KRT71: variants seen among roughly 807,000 people sequenced by gnomAD.
The protein encoded by KRT71 is keratin 71, also known as keratin, type II cytoskeletal 71.
KRT71 carries 42 observed loss-of-function variants against 46.2 expected under a neutral mutation model. That is an observed-to-expected ratio of 0.91 (90% confidence interval 0.71 to 1.18). The LOEUF is 1.18. KRT71 is among the 50% of genes most tolerant of loss of function. The pLI, the probability that KRT71 is intolerant of heterozygous loss-of-function variation, is 0.00. For missense variants in KRT71, 708 were observed against 677.9 expected, an observed-to-expected ratio of 1.04 and a Z score of -0.49; for synonymous variants, 292 against 277.8, an observed-to-expected ratio of 1.05 and a Z score of -0.51.
rs757490190 is a variant in KRT71 at position 52,549,301 on chromosome 12, G to A, written c.709C>T (p.Leu237Phe). Reference protein sequence around the residue: ...RTAAENEFVLLKKDVDAAYAN... With the variant: ...RTAAENEFVLFKKDVDAAYAN... ...GCCTGCCTTCCCCTCACCTTCTTGA[G>A]CAGCACAAACTCGTTCTCTGCTGCT... is the stretch of plus-strand genomic sequence containing the variant. Residue 237 changes from leucine to phenylalanine, a missense_variant, in exon 3 of 9, where the codon CTC becomes TTC. Transcript: ENST00000267119. The A allele has an allele frequency of 2.4e-5, 38 of 1,613,428 alleles. No homozygotes were observed. The highest frequency in any genetic ancestry group is 3.0e-5 in the Non-Finnish European group (35 of 1,179,576).
chr12:52,551,668 A>C (rs4761932), intron 1 of KRT71, among the ~76,000 whole-genome samples: 48,289 of 152,028 alleles, frequency 0.32, 9,600 homozygotes, highest in East Asian at 0.53. Context: ...GAGCCAACAG[A>C]ACCCTCCAGT....
intron 6 of KRT71, among the ~76,000 whole-genome samples, chr12:52,547,382 C>T (rs1939075032): frequency 6.6e-6 from 1 of 152,218 alleles, no homozygotes; most frequent in South Asian, 2.1e-4. Context: ...CAATCCTTAA[C>T]AATGCACCTT....
intron 6 of KRT71, among the ~76,000 whole-genome samples, chr12:52,547,128 T>G (rs745380486): frequency 6.6e-6 from 1 of 151,990 alleles, no homozygotes; most frequent in Non-Finnish European, 1.5e-5. Flanking sequence ...GGACTAGGAG[T>G]CAGGAGACCT....
At chr12:52,549,054 ATTC>A (rs1462034276) in intron 3 of KRT71, among the ~76,000 whole-genome samples, 4 of 151,898 alleles carry the variant, frequency 2.6e-5, no homozygotes, top group African/African-American at 7.3e-5. Flanking sequence ...TGTCCTCTGT[ATTC>A]TTCTCCGTGT....
rs956766443 is a variant in KRT71, at chr12:52,550,334, T to C, written c.442-91A>G. Reference sequence around the variant, plus strand: ...CATTGTGTAAAGCTTCTATCTGCATTTTCTCCTCAATAGAGCTGAAAGAGG... The same window carrying C: ...CATTGTGTAAAGCTTCTATCTGCATCTTCTCCTCAATAGAGCTGAAAGAGG... On this transcript the variant is annotated intron_variant, in intron 1 of 8. Transcript: ENST00000267119. The C allele has an allele frequency of 1.1e-5, 16 of 1,467,828 alleles. No homozygotes were observed. In the African/African-American group the frequency reaches 2.2e-4, roughly 21 times the overall value. 90.9% of individuals were successfully genotyped at this position (1,467,828 alleles called of 1,614,324 possible). A position where few individuals can be genotyped will look rare whatever the true frequency, so the allele number is the denominator to read the frequency against.
Position 52,546,495 on chromosome 12 carries a change from C to A in KRT71, c.1116G>T (p.Leu372=). The change falls in exon 7 of 9, where the codon CTG becomes CTT. Residue 372 remains leucine (L), a synonymous_variant. Transcript: ENST00000267119. ...IENVKKQASN[L]ETAIADAEQR... is the part of the protein sequence containing the mutation. ...GCTCAGCATCAGCGATGGCTGTCTC[C>A]AGGTTGGAAGCCTAAGGAAGGAATT... 1 of 1,613,958 alleles carries A rather than the reference C, an allele frequency of 6.2e-7. No homozygotes were observed.
Position 52,548,216 on chromosome 12 carries a change from C to T in KRT71, c.914G>A (p.Arg305His), listed in dbSNP as rs184893629. 30 of 1,614,198 alleles carry T rather than the reference C, an allele frequency of 1.9e-5. No individual in the cohort carries two copies. The East Asian group carries it at 3.6e-4, about 19-fold the overall frequency. ...CAAGGCAATCTCCTCATACTGGGTG[C>T]GGACTTCGTCAATGATGCTGTCCAG... ...LDLDSIIDEV[R>H]TQYEEIALKS... Residue 305 changes from arginine (R) to histidine (H), a missense_variant, in exon 5 of 9, where the codon CGC (arginine) becomes CAC (histidine). Transcript: ENST00000267119.
intron 4 of KRT71, 62 bp from the exon 5 acceptor site, chr12:52,548,378 C>G (rs535756975): frequency 1.9e-6 from 3 of 1,542,422 alleles, no homozygotes; most frequent in Non-Finnish European, 1.8e-6. Context: ...CCACCACCCC[C>G]AAACAAGATG....
intron 6 of KRT71, among the ~76,000 whole-genome samples, chr12:52,546,866 A>T (rs2120562002): frequency 6.6e-6 from 1 of 152,368 alleles, no homozygotes; most frequent in South Asian, 2.1e-4. Flanking sequence ...ATGCTGTGGC[A>T]GACGCAAAGG....
chr12:52,548,812 A>G lies in KRT71; in HGVS notation c.718-16T>C, dbSNP rs570043301. ...CATCCACATCCTGAAAGATGCCCCC[A>G]CCATCCCCTGTCACTGCTGGTACAG... On this transcript the variant is annotated splice_polypyrimidine_tract_variant and intron_variant, in intron 3 of 8. Transcript: ENST00000267119. 59 of 1,611,736 alleles carry G rather than the reference A, an allele frequency of 3.7e-5. No homozygotes were observed. In the East Asian group the frequency reaches 1.0e-3, roughly 28 times the overall value.
At position 52,552,642 on chromosome 12, in the gene KRT71, C is replaced by G; in HGVS notation, c.436G>C (p.Asp146His). 6.2e-7 allele frequency: 1 copy of G among 1,609,384 alleles called. No individual in the cohort carries two copies. Among genetic ancestry groups the G allele is most frequent in the Non-Finnish European group, 8.5e-7 (1 of 1,177,702 alleles). ...ALNNKFASFI[D>H]KVRFLEQQNQ... ...CCAGGCCCTAGAAGACCCACCTTGT[C>G]GATGAAGGAGGCGAACTTGTTGTTC... is the stretch of plus-strand genomic sequence containing the variant. Residue 146 changes from aspartate (D) to histidine (H), a missense_variant, in exon 1 of 9, where the codon GAC (aspartate) becomes CAC (histidine). Coordinates refer to ENST00000267119, the MANE Select transcript of KRT71 (RefSeq NM_033448.3).
In KRT71 at chr12:52,544,476, C is replaced by T. The variant is rs1264603806; in HGVS notation, c.*56G>A. ...AGCTGAGAGTGGGCTGTGGGAAGTA[C>T]AGTGTGGGATCCAGAGCCGGGTCAT... On this transcript the variant is annotated 3_prime_UTR_variant, in exon 9 of 9. Transcript: ENST00000267119. The T allele has an allele frequency of 6.8e-7, 1 of 1,470,456 alleles. No homozygotes were observed. The highest frequency in any genetic ancestry group is 2.3e-5 in the East Asian group (1 of 44,106). 91.1% of individuals were successfully genotyped at this position (1,470,456 alleles called of 1,614,324 possible). A position where few individuals can be genotyped will look rare whatever the true frequency, so the allele number is the denominator to read the frequency against.
chr12:52,544,203 G>A lies in KRT71; in HGVS notation c.*329C>T, dbSNP rs1456698141. 3 of 394,026 alleles carry A rather than the reference G, an allele frequency of 7.6e-6. No homozygotes were observed. The highest frequency in any genetic ancestry group is 2.8e-5 in the South Asian group (1 of 35,614). 24.4% of individuals were successfully genotyped at this position (394,026 alleles called of 1,614,324 possible). A position where few individuals can be genotyped will look rare whatever the true frequency, so the allele number is the denominator to read the frequency against. ...GCGGGGCCTTGGGCAGAGACCCAGG[G>A]AGCCCAGCAGAGTAGTTAGCGACTG... On this transcript the variant is annotated 3_prime_UTR_variant, in exon 9 of 9. Coordinates refer to ENST00000267119, the MANE Select transcript of KRT71 (RefSeq NM_033448.3).
rs769963433 is a variant in KRT71 at position 52,546,455 on chromosome 12, C to T, written c.1156G>A (p.Ala386Thr). 28 of 1,614,078 alleles carry T rather than the reference C, an allele frequency of 1.7e-5. No homozygotes were observed. Among genetic ancestry groups the T allele is most frequent in the South Asian group, 1.3e-4 (12 of 91,080 alleles). Residue 386 changes from alanine (A) to threonine (T), a missense_variant, in exon 7 of 9, where the codon GCC becomes ACC. Physicochemically the swap from Ala to Thr is moderately conservative, Grantham distance 58. Transcript: ENST00000267119. ...IADAEQRGDN[A>T]LKDARAKLDE... ...AGCTTGGCCCGGGCATCCTTCAGGGCGTTGTCTCCCCGCTGCTCAGCATCA... is the reference window on the plus strand; with the variant it reads ...AGCTTGGCCCGGGCATCCTTCAGGGTGTTGTCTCCCCGCTGCTCAGCATCA...
chr12:52,547,601 C>G (rs1939077865), intron 6 of KRT71, among the ~76,000 whole-genome samples: 2 of 152,194 alleles, frequency 1.3e-5, no homozygotes, highest in African/African-American at 4.8e-5. Flanking sequence ...CAGGAGGGTA[C>G]ATCGCTGGGG....
chr12:52,547,339 C>T lies in KRT71; in HGVS notation c.1104+518G>A, dbSNP rs538002716. The stretch of plus-strand genomic sequence containing the variant: ...CTTGTGTCTCACCTACAAGCCGAGG[C>T]TGCATCCTATATTCCTGGGAGTAGT... On this transcript the variant is annotated intron_variant, in intron 6 of 8. Coordinates refer to ENST00000267119, the MANE Select transcript of KRT71 (RefSeq NM_033448.3). Among the ~76,000 whole-genome samples, 4 of 152,316 alleles carry T rather than the reference C, an allele frequency of 2.6e-5. No homozygotes were observed. In the South Asian group the frequency reaches 8.3e-4, roughly 32 times the overall value.
In KRT71 at chr12:52,544,229, C is replaced by T. The variant is rs1939016375; in HGVS notation, c.*303G>A. The T allele has an allele frequency of 1.1e-5, 5 of 473,628 alleles. No individual in the cohort carries two copies. The East Asian group carries it at 1.2e-4, about 11-fold the overall frequency. The allele number at this position is 473,628 out of a possible 1,614,324, so 29.3% of individuals were successfully genotyped here. On this transcript the variant is annotated 3_prime_UTR_variant, in exon 9 of 9. Coordinates refer to ENST00000267119, the MANE Select transcript of KRT71 (RefSeq NM_033448.3). Reference sequence around the variant, plus strand: ...AGCCCAGCAGAGTAGTTAGCGACTGCGCTAGAGGCCGGGCAGAGGAGGAAA... The same window carrying T: ...AGCCCAGCAGAGTAGTTAGCGACTGTGCTAGAGGCCGGGCAGAGGAGGAAA...
intron 1 of KRT71, among the ~76,000 whole-genome samples, chr12:52,551,958 G>A (rs193017469): frequency 2.6e-5 from 4 of 152,012 alleles, no homozygotes; most frequent in Non-Finnish European, 5.9e-5. Flanking sequence ...TTTAGTGTGC[G>A]TCAGGCTTGT....
chr12:52,545,502 T>C, intron 8 of KRT71, 63 bp downstream of exon 8: 1 of 965,250 alleles, frequency 1.0e-6, no homozygotes, highest in Non-Finnish European at 1.6e-6. Context: ...ACAGAGGGTG[T>C]CACTAAGGTC....
Sources: gnomAD v4.1 joint callset for allele counts (sites outside exome capture counted in the v4.1 genomes callset) on GRCh38, gnomAD v4.1.1 for gene constraint, MANE v1.5 for transcripts, NCBI Gene and HGNC (gene_info 2026-07-23, HGNC 2026-07-21) for gene names.